KIRREL2: variants seen among roughly 807,000 people sequenced by gnomAD.
KIRREL2 encodes the protein kirre like nephrin family adhesion molecule 2, also known as kin of IRRE-like protein 2.
A neutral mutation model predicts 73.4 loss-of-function variants in KIRREL2; 56 were observed. The ratio of observed to expected loss-of-function variants is 0.76; its 90% CI spans 0.62 to 0.95. The LOEUF (loss-of-function observed/expected upper bound fraction) is 0.95. Among genes scored for constraint, KIRREL2 ranks in the 40% least tolerant of loss-of-function variants. The pLI is 0.00. For synonymous variants in KIRREL2, 407 were observed against 404.0 expected (o/e 1.01, Z -0.09); for missense variants, 896 against 935.0 (o/e 0.96, Z 0.54).
At chr19:35,851,443 C>T (rs974351654), upstream of KIRREL2, 4 of 1,613,144 alleles carry the variant, frequency 2.5e-6, no homozygotes, top group Non-Finnish European at 3.4e-6. Flanking sequence ...GGGTCTCAGG[C>T]TCTGATCCCT....
chr19:35,860,292 C>T lies in KIRREL2; in HGVS notation c.674-5C>T. 1 of 1,612,786 alleles carries T rather than the reference C, an allele frequency of 6.2e-7. No homozygotes were observed. The highest frequency in any genetic ancestry group is 1.1e-5 in the South Asian group (1 of 91,008). ...GCCCATCTGACCATTGTCCCACCCT[C>T]ACAGACCCCCCAGAGGTGACTCTGT... On this transcript the variant is annotated splice_polypyrimidine_tract_variant and splice_region_variant and intron_variant, in intron 5 of 14. Transcript: ENST00000360202.
Position 35,857,421 on chromosome 19 carries a change from TCTGGGCGCCTA to T in KIRREL2, c.144_154del (p.Tyr50SerfsTer5). ...GGGAGGAAGCCCGGCTGCCGTGTGC[TCTGGGCGCCTA>T]CTGGGGGCTAGTTCAGTGGACTAAG... is the stretch of plus-strand genomic sequence containing the variant. On this transcript the variant is annotated frameshift_variant, in exon 2 of 15. Transcript: ENST00000360202. LOFTEE classifies it high-confidence loss of function. 6.2e-7 allele frequency: 1 copy of T among 1,612,998 alleles called. No homozygotes were observed. The highest frequency in any genetic ancestry group is 8.5e-7 in the Non-Finnish European group (1 of 1,179,930).
At chr19:35,861,735 C>G (rs1973697715) in intron 10 of KIRREL2, 70 bp from the exon 11 acceptor site, 2 of 1,586,682 alleles carry the variant, frequency 1.3e-6, no homozygotes, top group Non-Finnish European at 1.7e-6. Flanking sequence ...TTCTGACTTC[C>G]CAGACATCCC....
Position 35,858,708 on chromosome 19 carries a change from C to A in KIRREL2, c.366C>A (p.Pro122=). The A allele has an allele frequency of 6.2e-7, 1 of 1,613,992 alleles. No homozygotes were observed. The highest frequency in any genetic ancestry group is 8.5e-7 in the Non-Finnish European group (1 of 1,179,976). ...SRPAQLHVLV[P]PEAPQVLGGP... ...GACCCCAAATCCACCTTGCAGTCCC[C>A]CCAGAAGCCCCCCAGGTGCTGGGCG... Residue 122 remains proline (P), a synonymous_variant, in exon 4 of 15, where the codon CCC becomes CCA. Transcript: ENST00000360202.
At chr19:35,853,036 C>G (rs1464565341), upstream of KIRREL2, among the ~76,000 whole-genome samples, 1 of 152,150 alleles carries the variant, frequency 6.6e-6, no homozygotes, top group Non-Finnish European at 1.5e-5. Context: ...CTCAGGTGAT[C>G]CATCTGCCTC....
At chr19:35,856,793 C>G, upstream of KIRREL2, 1 of 422,400 alleles carries the variant, frequency 2.4e-6, no homozygotes, top group South Asian at 2.5e-5. The surrounding 1 kb of genome is among the most constrained non-coding windows in gnomAD (Gnocchi z 5.9). Flanking sequence ...GGATCCCGCC[C>G]TGCGTCCCCC....
In KIRREL2 at chr19:35,866,080, C is replaced by T. The variant is rs1973950296; in HGVS notation, c.1792-77C>T. On this transcript the variant is annotated intron_variant, in intron 14 of 14. Transcript: ENST00000360202. ...GTCTCTCTCAAGGTCTGGTCTATTT[C>T]AGTGTGTCTCTCCATCAGTGACCCT... The T allele has an allele frequency of 1.2e-5, 17 of 1,391,510 alleles. No individual in the cohort carries two copies. In the South Asian group the frequency reaches 2.2e-4, roughly 18 times the overall value. 86.2% of individuals were successfully genotyped at this position (1,391,510 alleles called of 1,614,324 possible).
intron 9 of KIRREL2, 82 bp from the exon 10 acceptor site, chr19:35,861,459 T>A: frequency 1.3e-6 from 2 of 1,488,356 alleles, no homozygotes; most frequent in Non-Finnish European, 1.8e-6. Flanking sequence ...TAGCGGAGAG[T>A]GCGCTGGACA....
chr19:35,851,446 T>G, upstream of KIRREL2: 1 of 1,613,278 alleles, frequency 6.2e-7, no homozygotes, highest in Non-Finnish European at 8.5e-7. Flanking sequence ...TCTCAGGCTC[T>G]GATCCCTTAC....
At position 35,857,521 on chromosome 19, in the gene KIRREL2, C is replaced by G. The variant is rs758289331; in HGVS notation, c.211+27C>G. On this transcript the variant is annotated intron_variant, in intron 2 of 14. Transcript: ENST00000360202. ...TAAGAGTGTTCTCTCCACGCTGGGA[C>G]GGGCTGGCTAGGGGGAGAGTTGCTG... 9 of 1,516,498 alleles carry G rather than the reference C, an allele frequency of 5.9e-6. No homozygotes were observed. The Admixed American group carries it at 2.0e-4, about 34-fold the overall frequency. 93.9% of individuals were successfully genotyped at this position (1,516,498 alleles called of 1,614,324 possible).
chr19:35,860,405 G>A lies in KIRREL2; in HGVS notation c.779+3G>A, dbSNP rs767532675. 3.1e-6 allele frequency: 5 copies of A among 1,612,338 alleles called. No homozygotes were observed. Among genetic ancestry groups the A allele is most frequent in the Non-Finnish European group, 3.4e-6 (4 of 1,179,884 alleles). On this transcript the variant is annotated splice_donor_region_variant and intron_variant, in intron 6 of 14. Transcript: ENST00000360202. ...CAGCCTCCTGTCACAGGCTACAGGTGAGGACGAAGACCCACCTCTCCCCAG... is the reference window on the plus strand; with the variant it reads ...CAGCCTCCTGTCACAGGCTACAGGTAAGGACGAAGACCCACCTCTCCCCAG...
At chr19:35,860,461 C>T in intron 6 of KIRREL2, 58 bp from the exon 7 acceptor site, 1 of 1,605,028 alleles carries the variant, frequency 6.2e-7, no homozygotes, top group African/African-American at 1.3e-5. Context: ...AGGGCTGGGA[C>T]CTGAGTAGGT....
chr19:35,866,621 T>G lies in KIRREL2; in HGVS notation c.*129T>G, dbSNP rs1368655777. On this transcript the variant is annotated 3_prime_UTR_variant, in exon 15 of 15. Transcript: ENST00000360202. ...GAACACAAGGGGAGGGAAAGATCAT[T>G]ACATTTGTCAGGAGCATTTGTATAC... 3.6e-6 allele frequency: 5 copies of G among 1,380,410 alleles called. No individual in the cohort carries two copies. Among genetic ancestry groups the G allele is most frequent in the Non-Finnish European group, 4.0e-6 (4 of 988,068 alleles). 85.5% of individuals were successfully genotyped at this position (1,380,410 alleles called of 1,614,324 possible).
At position 35,859,646 on chromosome 19, in the gene KIRREL2, C is replaced by A; in HGVS notation, c.673+15C>A. ...GAGCCTGCAGTGTGAGTGCAGCTGGCCCTGGGAAAGAGGGGTGTGGGGCCC... is the reference window on the plus strand; with the variant it reads ...GAGCCTGCAGTGTGAGTGCAGCTGGACCTGGGAAAGAGGGGTGTGGGGCCC... On this transcript the variant is annotated intron_variant, in intron 5 of 14. Transcript: ENST00000360202. 1.9e-6 allele frequency: 3 copies of A among 1,611,994 alleles called. No individual in the cohort carries two copies. The highest frequency in any genetic ancestry group is 2.5e-6 in the Non-Finnish European group (3 of 1,179,082).
At chr19:35,856,756 T>C (rs1453077546), upstream of KIRREL2, 2 of 384,636 alleles carry the variant, frequency 5.2e-6, no homozygotes, top group Admixed American at 4.1e-5. This position sits in a 1 kb window ranked among gnomAD's most constrained non-coding sequence, Gnocchi z 5.9. Flanking sequence ...CAGACCCCAA[T>C]TGAGCTGGGG....
chr19:35,851,657 G>A (rs368988883), upstream of KIRREL2: 28 of 1,612,782 alleles, frequency 1.7e-5, no homozygotes, highest in African/African-American at 2.4e-4. Flanking sequence ...GGCAGGAATC[G>A]CCAACTGCGC....
upstream of KIRREL2, among the ~76,000 whole-genome samples, chr19:35,854,213 A>C (rs1973353076): frequency 6.6e-6 from 1 of 152,150 alleles, no homozygotes; most frequent in Admixed American, 6.5e-5. Context: ...GCTTGTCTGG[A>C]ACTCCTGGGC....
chr19:35,854,322 C>CT (rs1314951092), upstream of KIRREL2, among the ~76,000 whole-genome samples: 6 of 150,948 alleles, frequency 4.0e-5, no homozygotes, highest in African/African-American at 1.5e-4. Flanking sequence ...TTTCTTTTTT[C>CT]TCTTTTTTCT....
intron 13 of KIRREL2, among the ~76,000 whole-genome samples, chr19:35,864,346 T>G (rs1973858311): frequency 6.6e-6 from 1 of 152,126 alleles, no homozygotes; most frequent in African/African-American, 2.4e-5. Context: ...CCTGCCACCA[T>G]GCCTGCCTAT....
Sources: allele counts gnomAD v4.1 joint callset (sites outside exome capture counted in the v4.1 genomes callset), GRCh38; gene constraint gnomAD v4.1.1; non-coding constraint Gnocchi (gnomAD v3.1); transcripts MANE v1.5; gene names NCBI Gene and HGNC (gene_info 2026-07-23, HGNC 2026-07-21).